GDAP1: variants seen among roughly 807,000 people sequenced by gnomAD.
GDAP1 encodes the protein ganglioside-induced differentiation-associated protein 1.
GDAP1 carries 34 observed loss-of-function variants against 40.1 expected under a neutral mutation model. The ratio of observed to expected loss-of-function variants is 0.85; its 90% CI spans 0.64 to 1.13. The LOEUF (loss-of-function observed/expected upper bound fraction) is 1.13, where lower values mean the gene tolerates loss of function less well. Ranked by LOEUF, GDAP1 falls within the 50% of genes most tolerant of loss-of-function variation. The pLI is 0.00. For synonymous variants in GDAP1, 170 were observed against 157.4 expected (o/e 1.08, Z -0.60); for missense variants, 374 against 433.7 (o/e 0.86, Z 1.22).
rs189836348 is a variant in GDAP1, at chr8:74,417,671, T to G, written c.165+66350T>G. On this transcript the variant is annotated intron_variant, in intron 2 of 2. Transcript: ENST00000523640. ...ACTCGGGAGGCCAAGGCAGGAGAAT[T>G]GCTTCAACCCAGGAGGCGGAGGTTG... Among the ~76,000 whole-genome samples, 106 of 143,422 alleles carry G rather than the reference T, an allele frequency of 7.4e-4. 14 individuals are homozygous for G. Among genetic ancestry groups the G allele is most frequent in the African/African-American group, 2.6e-3 (97 of 36,670 alleles). 94.1% of individuals were successfully genotyped at this position (143,422 alleles called of 152,430 possible). A position where few individuals can be genotyped will look rare whatever the true frequency, so the allele number is the denominator to read the frequency against.
In GDAP1 at chr8:74,357,741, T is replaced by C. The variant is rs112013631; in HGVS notation, c.311-2396T>C. Among the ~76,000 whole-genome samples the C allele has an allele frequency of 3.0e-3, 462 of 152,302 alleles. 2 individuals carry two copies. The highest frequency in any genetic ancestry group is 0.024 in the South Asian group (117 of 4,820). ...AATGCTGGGACCTCCTCTCATTGCC[T>C]GCTTCTTAAAACTCCCTAATTCTCT... On this transcript the variant is annotated intron_variant, in intron 2 of 5. Transcript: ENST00000220822.
chr8:74,400,624 G>T (rs1259363947), intron 2 of GDAP1, among the ~76,000 whole-genome samples: 1 of 149,960 alleles, frequency 6.7e-6, no homozygotes, highest in Non-Finnish European at 1.5e-5. Context: ...TTGCTTGTTA[G>T]TTGATGCAGT....
intron 2 of GDAP1, among the ~76,000 whole-genome samples, chr8:74,464,876 C>T (rs183127149): frequency 5.3e-5 from 8 of 152,206 alleles, no homozygotes; most frequent in Admixed American, 1.3e-4. Context: ...TTTAAGATAT[C>T]ACCTTTTAAA....
At chr8:74,358,062 A>C (rs1297394697) in intron 2 of GDAP1, among the ~76,000 whole-genome samples, 3 of 152,174 alleles carry the variant, frequency 2.0e-5, no homozygotes, top group Non-Finnish European at 4.4e-5. Flanking sequence ...AAAGAAAGAG[A>C]GATGGGGAGA....
intron 2 of GDAP1, among the ~76,000 whole-genome samples, chr8:74,403,496 C>T (rs1805591003): frequency 6.7e-6 from 1 of 150,124 alleles, no homozygotes; most frequent in African/African-American, 2.5e-5. Context: ...TGCAAATGAA[C>T]CCAGATGGTG....
intron 2 of GDAP1, among the ~76,000 whole-genome samples, chr8:74,421,442 A>G (rs911478301): frequency 3.3e-5 from 5 of 152,178 alleles, no homozygotes; most frequent in Admixed American, 2.6e-4. Context: ...CCACACAAGT[A>G]TTTGGGATGA....
intron 2 of GDAP1, among the ~76,000 whole-genome samples, chr8:74,381,230 TTAAAG>T (rs1244757554): frequency 6.6e-6 from 1 of 152,122 alleles, no homozygotes; most frequent in Non-Finnish European, 1.5e-5. Context: ...GACTATTTTA[TTAAAG>T]TAATTACATA....
intron 2 of GDAP1, among the ~76,000 whole-genome samples, chr8:74,376,379 C>T (rs1188600736): frequency 6.6e-5 from 9 of 135,774 alleles, no homozygotes; most frequent in East Asian, 4.4e-4. Context: ...GATGGAGTCT[C>T]ACTCTGTTGC....
At chr8:74,437,926 A>G (rs1414093636) in intron 2 of GDAP1, among the ~76,000 whole-genome samples, 1 of 152,176 alleles carries the variant, frequency 6.6e-6, no homozygotes, top group Non-Finnish European at 1.5e-5. Context: ...ATTCTTGCAC[A>G]TGTGCACTTG....
At chr8:74,386,095 T>C (rs1810021006) in intron 2 of GDAP1, among the ~76,000 whole-genome samples, 1 of 152,240 alleles carries the variant, frequency 6.6e-6, no homozygotes, top group African/African-American at 2.4e-5. Flanking sequence ...ATTATCCCTT[T>C]GTCAAATGGA....
chr8:74,378,183 G>A (rs554304470), intron 2 of GDAP1, among the ~76,000 whole-genome samples: 1 of 152,292 alleles, frequency 6.6e-6, no homozygotes, highest in African/African-American at 2.4e-5. Context: ...TGGTCGGTGA[G>A]AGTGATTTGC....
In GDAP1 at chr8:74,362,979, A is replaced by C. The variant is rs140384868; in HGVS notation, c.620A>C (p.Lys207Thr). The C allele has an allele frequency of 2.0e-5, 32 of 1,593,178 alleles. No individual in the cohort carries two copies. In the Middle Eastern group the frequency reaches 1.3e-3, roughly 66 times the overall value. ...LDHDNVKYLK[K>T]ILDELEKVLD... The stretch of plus-strand genomic sequence containing the variant: ...CATGACAATGTCAAGTATTTGAAGA[A>C]AATTCTTGATGAGTTGGAGAAAGTC... The change falls in exon 5 of 6, where the codon AAA becomes ACA. Residue 207 changes from lysine (K) to threonine (T), a missense_variant. Physicochemically the swap from Lys to Thr is moderately conservative, Grantham distance 78. Coordinates refer to ENST00000220822, the MANE Select transcript of GDAP1 (RefSeq NM_018972.4).
chr8:74,473,165 G>A (rs1009243019), intron 2 of GDAP1, among the ~76,000 whole-genome samples: 1 of 150,412 alleles, frequency 6.6e-6, no homozygotes, highest in South Asian at 2.1e-4. Flanking sequence ...ATCTAAATTT[G>A]TGTAAGTTCT....
Position 74,413,556 on chromosome 8 carries a change from C to T in GDAP1, c.165+62235C>T, listed in dbSNP as rs867463191. 1.1e-4 allele frequency among the ~76,000 whole-genome samples: 17 copies of T among 149,646 alleles called. 3 individuals are homozygous for T. The highest frequency in any genetic ancestry group is 4.1e-4 in the African/African-American group (16 of 39,050). ...CAGAGACTGTGAAAATCACCCATTTCCCCCACTCTGTTTTCTCATGCCCCA... is the reference window on the plus strand; with the variant it reads ...CAGAGACTGTGAAAATCACCCATTTTCCCCACTCTGTTTTCTCATGCCCCA... On this transcript the variant is annotated intron_variant, in intron 2 of 2. Coordinates refer to the GDAP1 transcript ENST00000523640.
At chr8:74,381,109 G>A (rs995993996) in intron 2 of GDAP1, among the ~76,000 whole-genome samples, 1 of 151,732 alleles carries the variant, frequency 6.6e-6, no homozygotes, top group Admixed American at 6.6e-5. Flanking sequence ...TGTGTGTGTG[G>A]TGATGATAAA....
intron 2 of GDAP1, among the ~76,000 whole-genome samples, chr8:74,399,420 T>C (rs1403287269): frequency 1.3e-5 from 2 of 149,734 alleles, no homozygotes. Flanking sequence ...TTTTATTGTG[T>C]CTATTTGATT....
intron 2 of GDAP1, among the ~76,000 whole-genome samples, chr8:74,481,847 TG>T (rs1424964647): frequency 6.6e-6 from 1 of 152,198 alleles, no homozygotes; most frequent in Non-Finnish European, 1.5e-5. Context: ...CCCAATTTTT[TG>T]TTTGTTATGG....
intron 2 of GDAP1, among the ~76,000 whole-genome samples, chr8:74,482,638 T>C (rs1292082764): frequency 5.9e-5 from 9 of 152,284 alleles, no homozygotes; most frequent in Admixed American, 3.3e-4. Flanking sequence ...CTTTAGAAGT[T>C]GTTCATTTGG....
chr8:74,422,490 T>TTCC (rs1805889249), intron 2 of GDAP1, among the ~76,000 whole-genome samples: 7 of 126,658 alleles, frequency 5.5e-5, no homozygotes, highest in African/African-American at 2.2e-4. Context: ...CCCTCCCTCC[T>TTCC]TTCTCCTTCC....
Sources: gnomAD v4.1 joint callset for allele counts (sites outside exome capture counted in the v4.1 genomes callset) on GRCh38, gnomAD v4.1.1 for gene constraint, MANE v1.5 for transcripts, NCBI Gene and HGNC (gene_info 2026-07-23, HGNC 2026-07-21) for gene names.